Variants in ZBTB16 observed in about 807,000 individuals in gnomAD.
ZBTB16 encodes the protein zinc finger and BTB domain containing 16.
A neutral mutation model predicts 56.8 loss-of-function variants in ZBTB16; 8 were observed. That is an observed-to-expected ratio of 0.14 (90% CI 0.08 to 0.25). The LOEUF (loss-of-function observed/expected upper bound fraction) is 0.25. Ranked by LOEUF, ZBTB16 falls within the 10% of genes least tolerant of loss-of-function variation. ZBTB16 has a pLI of 1.00. For synonymous variants in ZBTB16, 363 were observed against 368.5 expected, an observed-to-expected ratio of 0.98 and a Z score of 0.17; for missense variants, 625 against 903.0, an observed-to-expected ratio of 0.69 and a Z score of 3.95.
intron 2 of ZBTB16, among the ~76,000 whole-genome samples, chr11:114,076,354 A>G (rs901925794): frequency 2.0e-5 from 3 of 152,184 alleles, no homozygotes; most frequent in Admixed American, 6.5e-5. Context: ...AGAAAGGGCC[A>G]CTGGCTCATT....
intron 3 of ZBTB16, among the ~76,000 whole-genome samples, chr11:114,184,378 A>G (rs1276394944): frequency 6.6e-6 from 1 of 152,200 alleles, no homozygotes; most frequent in African/African-American, 2.4e-5. Context: ...AGGTTTTCAA[A>G]TTTCTAGAAA....
rs564024965 is a variant in ZBTB16, at chr11:114,076,116, A to G, written c.1268+11548A>G. ...AGTGAACTGCACTTTCGGGGAAAGC[A>G]TGCCGGAATCTGGCCCAGAAAAGAG... is the stretch of plus-strand genomic sequence containing the variant. On this transcript the variant is annotated intron_variant, in intron 2 of 6. Coordinates refer to ENST00000335953, the MANE Select transcript of ZBTB16 (RefSeq NM_006006.6). Among the ~76,000 whole-genome samples, 13 of 152,308 alleles carry G rather than the reference A, an allele frequency of 8.5e-5. No homozygotes were observed. In the South Asian group the frequency reaches 2.7e-3, roughly 32 times the overall value.
rs79047389 is a variant in ZBTB16, at chr11:114,164,963, A to G, written c.1366+8529A>G. ...CGGCCTTTTCTTGACACTCCTGTGT[A>G]TTTTCTGTCTTCCTTCTTATGTCTT... is the stretch of plus-strand genomic sequence containing the variant. On this transcript the variant is annotated intron_variant, in intron 3 of 6. Transcript: ENST00000335953. Among the ~76,000 whole-genome samples the G allele has an allele frequency of 2.3e-3, 343 of 149,962 alleles. 1 individual carries two copies. The highest frequency in any genetic ancestry group is 8.0e-3 in the African/African-American group (326 of 40,636).
chr11:114,068,527 G>A (rs973660620), intron 2 of ZBTB16, among the ~76,000 whole-genome samples: 1 of 152,228 alleles, frequency 6.6e-6, no homozygotes, highest in Non-Finnish European at 1.5e-5. Flanking sequence ...TCATGGATGG[G>A]TGGGAAGACC....
Position 114,180,924 on chromosome 11 carries a change from GAGA to G in ZBTB16, c.1367-6024_1367-6022del, listed in dbSNP as rs1295731080. 3.3e-5 allele frequency: 5 copies of G among 152,370 alleles called. No homozygotes were observed. The East Asian group carries it at 9.6e-4, about 29-fold the overall frequency. 9.4% of individuals were successfully genotyped at this position (152,370 alleles called of 1,614,324 possible). On this transcript the variant is annotated intron_variant, in intron 3 of 6. Coordinates refer to ENST00000335953, the MANE Select transcript of ZBTB16 (RefSeq NM_006006.6). The stretch of plus-strand genomic sequence containing the variant: ...GAATGGGGCTCCAGGGGCTTGTCCA[GAGA>G]AGATTTCAGAGCCAGGTTGGTGAAT...
rs139074973 is a variant in ZBTB16, at chr11:114,210,162, A to AGTGTGTGTGT, written c.1453+23146_1453+23155dup. ...AATGTTTTCTCTTACAGCCAAAGCTAGTGTGTGTGTGTGTGTGTGTGTGTG... is the reference window on the plus strand; with the variant it reads ...AATGTTTTCTCTTACAGCCAAAGCTAGTGTGTGTGTGTGTGTGTGTGTGTGTGTGTGTGTG... On this transcript the variant is annotated intron_variant, in intron 4 of 6. Transcript: ENST00000335953. Among the ~76,000 whole-genome samples, 668 of 134,734 alleles carry AGTGTGTGTGT rather than the reference A, an allele frequency of 5.0e-3. 6 individuals are homozygous for AGTGTGTGTGT. Among genetic ancestry groups the AGTGTGTGTGT allele is most frequent in the African/African-American group, 0.017 (623 of 35,704 alleles). The allele number at this position is 134,734 out of a possible 152,430, so 88.4% of individuals were successfully genotyped here. A position where few individuals can be genotyped will look rare whatever the true frequency, so the allele number is the denominator to read the frequency against.
chr11:114,247,943 G>A (rs1010099722), intron 6 of ZBTB16, among the ~76,000 whole-genome samples: 2 of 151,972 alleles, frequency 1.3e-5, no homozygotes, highest in Non-Finnish European at 2.9e-5. Context: ...TATTGGCCAG[G>A]CCGGAGTGCA....
At chr11:114,190,186 T>C (rs1316916438) in intron 4 of ZBTB16, among the ~76,000 whole-genome samples, 1 of 152,216 alleles carries the variant, frequency 6.6e-6, no homozygotes, top group East Asian at 1.9e-4. Context: ...CGACTGCCGA[T>C]GGAGCTGGAG....
chr11:114,225,525 G>GGCGAGAGGGCAA (rs1329347685), intron 4 of ZBTB16, among the ~76,000 whole-genome samples: 1 of 152,216 alleles, frequency 6.6e-6, no homozygotes, highest in Non-Finnish European at 1.5e-5. Flanking sequence ...CATGGTGGAA[G>GGCGAGAGGGCAA]GCGAGAGGGC....
In ZBTB16 at chr11:114,252,355, G is replaced by T. The variant is rs118147017; in HGVS notation, c.*1800G>T. 7.4e-6 allele frequency among the ~76,000 whole-genome samples: 1 copy of T among 135,050 alleles called. No individual in the cohort carries two copies. The highest frequency in any genetic ancestry group is 2.6e-4 in the East Asian group (1 of 3,900). The allele number at this position is 135,050 out of a possible 152,430, so 88.6% of individuals were successfully genotyped here. ...GCGTGCATTCTCATTGCCAGAATTG[G>T]TCTATTTTCACGGCTGGTCTTTGGG... On this transcript the variant is annotated 3_prime_UTR_variant, in exon 7 of 7. Transcript: ENST00000335953.
chr11:114,242,144 A>ACC (rs1565705521), intron 4 of ZBTB16, 23 bp from the exon 5 acceptor site: 1 of 1,612,988 alleles, frequency 6.2e-7, no homozygotes, highest in Admixed American at 1.7e-5. Flanking sequence ...TTTCTGAGGC[A>ACC]CCCCCTCTCC....
At chr11:114,204,507 G>A (rs954974669) in intron 4 of ZBTB16, among the ~76,000 whole-genome samples, 1 of 152,204 alleles carries the variant, frequency 6.6e-6, no homozygotes, top group African/African-American at 2.4e-5. Flanking sequence ...TCTGTGATTT[G>A]CCTACCAACA....
At chr11:114,245,768 A>T (rs926038187) in intron 5 of ZBTB16, among the ~76,000 whole-genome samples, 4 of 152,224 alleles carry the variant, frequency 2.6e-5, no homozygotes, top group Admixed American at 2.0e-4. Flanking sequence ...TATGAAATGC[A>T]GAGGACATTA....
chr11:114,104,391 C>T (rs1216169675), intron 2 of ZBTB16, among the ~76,000 whole-genome samples: 1 of 152,172 alleles, frequency 6.6e-6, no homozygotes, highest in African/African-American at 2.4e-5. Context: ...CTCCCAGCAC[C>T]CAAGATGTAA....
intron 4 of ZBTB16, 189 bp downstream of exon 4, chr11:114,187,227 T>A: frequency 1.5e-6 from 1 of 688,708 alleles, no homozygotes; most frequent in Non-Finnish European, 2.6e-6. Flanking sequence ...AGCAGAAGTT[T>A]ACAAGTATGA....
intron 2 of ZBTB16, among the ~76,000 whole-genome samples, chr11:114,095,765 T>G (rs1222852786): frequency 2.0e-5 from 3 of 152,178 alleles, no homozygotes; most frequent in Non-Finnish European, 4.4e-5. Flanking sequence ...CTAGCATGCT[T>G]GGGTGCCGTG....
chr11:114,103,050 G>C (rs926641187), intron 2 of ZBTB16, among the ~76,000 whole-genome samples: 12 of 152,232 alleles, frequency 7.9e-5, no homozygotes, highest in Non-Finnish European at 1.8e-4. Flanking sequence ...TACTGTATCA[G>C]TGATGCTGAA....
At chr11:114,169,134 G>A (rs927285936) in intron 3 of ZBTB16, among the ~76,000 whole-genome samples, 3 of 152,160 alleles carry the variant, frequency 2.0e-5, no homozygotes, top group Non-Finnish European at 2.9e-5. Context: ...CCTGCATGGC[G>A]ACGCAACTGG....
intron 3 of ZBTB16, among the ~76,000 whole-genome samples, chr11:114,162,082 T>C (rs1393205594): frequency 1.3e-5 from 2 of 152,218 alleles, no homozygotes; most frequent in Non-Finnish European, 2.9e-5. Context: ...GGGGAAAGAA[T>C]GAAGGCTTTC....
Sources: gnomAD v4.1 joint callset for allele counts (sites outside exome capture counted in the v4.1 genomes callset) on GRCh38, gnomAD v4.1.1 for gene constraint, MANE v1.5 for transcripts, NCBI Gene and HGNC (gene_info 2026-07-23, HGNC 2026-07-21) for gene names.